Variants in SMPDL3A observed in about 807,000 individuals in gnomAD.
SMPDL3A encodes the protein sphingomyelin phosphodiesterase acid like 3A.
Under a neutral mutation model 38.5 loss-of-function variants are expected in SMPDL3A, and 39 were observed. The ratio of observed to expected loss-of-function variants is 1.01; its 90% CI spans 0.78 to 1.32. SMPDL3A has a LOEUF of 1.32. SMPDL3A is among the 40% of genes most tolerant of loss of function. The pLI, the probability that SMPDL3A is intolerant of heterozygous loss-of-function variation, is 0.00. For missense variants in SMPDL3A, 502 were observed against 536.2 expected, an observed-to-expected ratio of 0.94 and a Z score of 0.63; for synonymous variants, 180 against 194.3, an observed-to-expected ratio of 0.93 and a Z score of 0.61.
chr6:122,789,439 G>T lies in SMPDL3A; in HGVS notation c.93G>T (p.Arg31Ser). ...LGLPVAPAGGRNPPPAIGQFW... is the reference protein window; with the variant it reads ...LGLPVAPAGGSNPPPAIGQFW... ...TGCCCGTGGCGCCCGCAGGCGGCAGGAATCCTCCTCCGGCGATAGGTGAGT... is the reference window on the plus strand; with the variant it reads ...TGCCCGTGGCGCCCGCAGGCGGCAGTAATCCTCCTCCGGCGATAGGTGAGT... The change falls in exon 1 of 8, where the codon AGG becomes AGT. Residue 31 changes from arginine (R) to serine (S), a missense_variant. Coordinates refer to ENST00000368440, the MANE Select transcript of SMPDL3A (RefSeq NM_006714.5). 1 of 1,549,342 alleles carries T rather than the reference G, an allele frequency of 6.5e-7. No homozygotes were observed. Among genetic ancestry groups the T allele is most frequent in the South Asian group, 1.2e-5 (1 of 84,014 alleles).
At chr6:122,799,546 G>T (rs1781356326) in intron 3 of SMPDL3A, among the ~76,000 whole-genome samples, 1 of 152,172 alleles carries the variant, frequency 6.6e-6, no homozygotes, top group African/African-American at 2.4e-5. Context: ...AAATGGCCAA[G>T]ACTTTATGGC....
chr6:122,796,736 A>G, intron 2 of SMPDL3A, 88 bp from the exon 3 acceptor site: 1 of 1,048,028 alleles, frequency 9.5e-7, no homozygotes, highest in Non-Finnish European at 1.4e-6. Flanking sequence ...GGAAGTCTGC[A>G]GTGATAGGTA....
chr6:122,799,566 TATG>T (rs2115167862), intron 3 of SMPDL3A, among the ~76,000 whole-genome samples: 1 of 152,370 alleles, frequency 6.6e-6, no homozygotes, highest in Admixed American at 6.5e-5. Flanking sequence ...CTTTTTATTA[TATG>T]ATGATAACGA....
At chr6:122,804,133 A>G (rs1304524776) in intron 5 of SMPDL3A, among the ~76,000 whole-genome samples, 1 of 150,824 alleles carries the variant, frequency 6.6e-6, no homozygotes, top group African/African-American at 2.4e-5. Flanking sequence ...GATTACAGGC[A>G]CCCACCACCA....
At chr6:122,808,572 G>C (rs1456474161) in intron 7 of SMPDL3A, among the ~76,000 whole-genome samples, 1 of 149,538 alleles carries the variant, frequency 6.7e-6, no homozygotes, top group Non-Finnish European at 1.5e-5. Context: ...AAGTGATACA[G>C]GTTTTTTATT....
At chr6:122,791,851 G>A (rs1053590963) in intron 1 of SMPDL3A, among the ~76,000 whole-genome samples, 3 of 152,084 alleles carry the variant, frequency 2.0e-5, no homozygotes, top group Non-Finnish European at 4.4e-5. Flanking sequence ...CCGCCACCAT[G>A]CCTGGCTAAT....
Position 122,795,711 on chromosome 6 carries a change from C to A in SMPDL3A, c.147C>A (p.Asp49Glu), listed in dbSNP as rs778223099. 1.9e-6 allele frequency: 3 copies of A among 1,614,114 alleles called. No homozygotes were observed. The highest frequency in any genetic ancestry group is 1.7e-6 in the Non-Finnish European group (2 of 1,180,008). Residue 49 changes from aspartate (D) to glutamate (E), a missense_variant, in exon 2 of 8, where the codon GAC (aspartate) becomes GAA (glutamate). By Grantham distance (45) the Asp-to-Glu change is conservative. Coordinates refer to ENST00000368440, the MANE Select transcript of SMPDL3A (RefSeq NM_006714.5). ...GGCATGTGACTGACTTACACTTAGA[C>A]CCTACTTACCACATCACAGATGACC... ...QFWHVTDLHL[D>E]PTYHITDDHT... is the part of the protein sequence containing the mutation.
chr6:122,789,814 G>A (rs1290207182), intron 1 of SMPDL3A: 4 of 984,972 alleles, frequency 4.1e-6, no homozygotes, highest in Non-Finnish European at 4.8e-6. Flanking sequence ...GGACTCAAGG[G>A]AAGAGGAAGC....
In SMPDL3A at chr6:122,801,294, T is replaced by C. The variant is rs1781422395; in HGVS notation, c.472-16T>C. 3 of 1,577,280 alleles carry C rather than the reference T, an allele frequency of 1.9e-6. No individual in the cohort carries two copies. The highest frequency in any genetic ancestry group is 2.6e-6 in the Non-Finnish European group (3 of 1,147,248). On this transcript the variant is annotated splice_polypyrimidine_tract_variant and intron_variant, in intron 3 of 7. Transcript: ENST00000368440. The stretch of plus-strand genomic sequence containing the variant: ...ATCTTTAAATTTCAATGGTGGATTA[T>C]ATTGTTTGTGGCCAGGATCAACTGC...
chr6:122,809,456 T>C lies in SMPDL3A; in HGVS notation c.*48T>C. On this transcript the variant is annotated 3_prime_UTR_variant, in exon 8 of 8. Transcript: ENST00000368440. ...GAAAATGCTGATTCTGATTCTGAGA[T>C]CAATTTGTGGGAATTTTACATAAAT... The C allele has an allele frequency of 7.3e-7, 1 of 1,365,636 alleles. No individual in the cohort carries two copies. Among genetic ancestry groups the C allele is most frequent in the Non-Finnish European group, 1.0e-6 (1 of 985,274 alleles). The allele number at this position is 1,365,636 out of a possible 1,614,324, so 84.6% of individuals were successfully genotyped here.
intron 7 of SMPDL3A, among the ~76,000 whole-genome samples, chr6:122,808,633 T>TCCCC (rs1781734995): frequency 1.3e-5 from 1 of 78,330 alleles, no homozygotes; most frequent in Non-Finnish European, 2.5e-5. Flanking sequence ...CTTCCTTCCT[T>TCCCC]CCTTCCTTCC....
At chr6:122,798,057 A>T (rs1314724491) in intron 3 of SMPDL3A, among the ~76,000 whole-genome samples, 3 of 152,000 alleles carry the variant, frequency 2.0e-5, no homozygotes, top group African/African-American at 7.2e-5. Context: ...CTGTGTCCAC[A>T]TTTTTCTCTT....
chr6:122,789,453 C>A lies in SMPDL3A; in HGVS notation c.107C>A (p.Ala36Glu). 1.3e-6 allele frequency: 2 copies of A among 1,548,498 alleles called. No homozygotes were observed. The highest frequency in any genetic ancestry group is 8.7e-7 in the Non-Finnish European group (1 of 1,145,456). Residue 36 changes from alanine (A) to glutamate (E), a missense_variant, in exon 1 of 8, where the codon GCG becomes GAG. Transcript: ENST00000368440. ...APAGGRNPPP[A>E]IGQFWHVTDL... ...GCAGGCGGCAGGAATCCTCCTCCGG[C>A]GATAGGTGAGTTGTCCGCGACCCTT...
chr6:122,805,388 C>T (rs969767623), intron 6 of SMPDL3A, among the ~76,000 whole-genome samples: 4 of 152,142 alleles, frequency 2.6e-5, no homozygotes, highest in African/African-American at 7.2e-5. Context: ...TTTAAATCTT[C>T]GAGTTTAAAG....
chr6:122,794,280 T>G (rs1781168190), intron 1 of SMPDL3A, among the ~76,000 whole-genome samples: 1 of 152,180 alleles, frequency 6.6e-6, no homozygotes, highest in African/African-American at 2.4e-5. Flanking sequence ...TGTGATTATT[T>G]GTTCTAGTAT....
At chr6:122,804,079 C>T (rs1451165252) in intron 5 of SMPDL3A, among the ~76,000 whole-genome samples, 2 of 151,552 alleles carry the variant, frequency 1.3e-5, no homozygotes, top group African/African-American at 4.8e-5. Flanking sequence ...CCTCTACCTC[C>T]TAGGCTGAAG....
At chr6:122,806,933 C>T (rs1196475968) in intron 7 of SMPDL3A, among the ~76,000 whole-genome samples, 2 of 152,188 alleles carry the variant, frequency 1.3e-5, no homozygotes, top group Non-Finnish European at 2.9e-5. Flanking sequence ...TTCTGTTACT[C>T]AGGCTGGAGT....
intron 1 of SMPDL3A, among the ~76,000 whole-genome samples, chr6:122,791,073 A>T (rs1781060866): frequency 6.6e-6 from 1 of 152,094 alleles, no homozygotes; most frequent in East Asian, 1.9e-4. Flanking sequence ...CGTATTTTCC[A>T]CTTGATGTGA....
intron 7 of SMPDL3A, among the ~76,000 whole-genome samples, chr6:122,808,744 C>A (rs1212909326): frequency 6.6e-6 from 1 of 151,156 alleles, no homozygotes; most frequent in Non-Finnish European, 1.5e-5. Context: ...CGCAATCTCG[C>A]AATCCCGGCT....
Sources: gnomAD v4.1 joint callset for allele counts (sites outside exome capture counted in the v4.1 genomes callset) on GRCh38, gnomAD v4.1.1 for gene constraint, MANE v1.5 for transcripts, NCBI Gene and HGNC (gene_info 2026-07-23, HGNC 2026-07-21) for gene names.